Variants in COBLL1 observed in about 807,000 individuals in gnomAD.
COBLL1 encodes the protein cordon-bleu WH2 repeat protein like 1, also known as cordon-bleu protein-like 1.
In COBLL1, 50 loss-of-function variants were observed where a neutral mutation model predicts 94.8. The ratio of observed to expected loss-of-function variants is 0.53; its 90% CI spans 0.42 to 0.67. The LOEUF (loss-of-function observed/expected upper bound fraction) is 0.67, where lower values mean the gene tolerates loss of function less well. COBLL1 is among the 30% of genes least tolerant of loss of function. The pLI is 0.00. For synonymous variants in COBLL1, 448 were observed against 473.8 expected, an observed-to-expected ratio of 0.95 and a Z score of 0.71; for missense variants, 1,362 against 1,348.7, an observed-to-expected ratio of 1.01 and a Z score of -0.15.
At position 164,743,791 on chromosome 2, in the gene COBLL1, G is replaced by A; in HGVS notation, c.126C>T (p.Ser42=). The change falls in exon 3 of 14, where the codon TCC becomes TCT. Residue 42 remains serine, a synonymous_variant. Coordinates refer to ENST00000652658, the MANE Select transcript of COBLL1 (RefSeq NM_001365672.2). ...DVSSAADSVE[S]TAFIMEQKEN... is the part of the protein sequence containing the mutation. ...CTTTCTGTTCCATGATGAAAGCAGTGGATTCTACAGAATCAGCAGCTGAAG... is the reference window on the plus strand; with the variant it reads ...CTTTCTGTTCCATGATGAAAGCAGTAGATTCTACAGAATCAGCAGCTGAAG... The A allele has an allele frequency of 6.2e-7, 1 of 1,613,014 alleles. No individual in the cohort carries two copies. The highest frequency in any genetic ancestry group is 8.5e-7 in the Non-Finnish European group (1 of 1,179,368).
rs1170701819 is a variant in COBLL1, at chr2:164,692,459, A to C, written c.3124-62T>G. ...AAGAAAAGAATGGGCCATTTTTTGCAAAACATTTTCATCATCAATAGTTCT... is the reference window on the plus strand; with the variant it reads ...AAGAAAAGAATGGGCCATTTTTTGCCAAACATTTTCATCATCAATAGTTCT... On this transcript the variant is annotated intron_variant, in intron 12 of 13. Coordinates refer to ENST00000652658, the MANE Select transcript of COBLL1 (RefSeq NM_001365672.2). 3.0e-6 allele frequency: 4 copies of C among 1,348,758 alleles called. No individual in the cohort carries two copies. In the African/African-American group the frequency reaches 5.9e-5, roughly 20 times the overall value. 83.5% of individuals were successfully genotyped at this position (1,348,758 alleles called of 1,614,324 possible). A position where few individuals can be genotyped will look rare whatever the true frequency, so the allele number is the denominator to read the frequency against.
At chr2:164,777,878 T>G (rs916410653) in intron 2 of COBLL1, among the ~76,000 whole-genome samples, 6 of 152,150 alleles carry the variant, frequency 3.9e-5, no homozygotes, top group Admixed American at 2.6e-4. Flanking sequence ...AGTTTTCCAG[T>G]TTTTCAAAAG....
chr2:164,660,088 G>A (rs577162340), intron 2 of COBLL1, among the ~76,000 whole-genome samples: 113 of 152,210 alleles, frequency 7.4e-4, no homozygotes, highest in African/African-American at 2.5e-3. Context: ...AAATATATGC[G>A]TCTGGAGTCC....
At chr2:164,801,560 C>T (rs1683807383) in intron 2 of COBLL1, among the ~76,000 whole-genome samples, 2 of 149,692 alleles carry the variant, frequency 1.3e-5, no homozygotes, top group Admixed American at 6.7e-5. Flanking sequence ...TGAGGTTACA[C>T]TAAGCTATGA....
chr2:164,809,949 C>T (rs1048216504), intron 2 of COBLL1, among the ~76,000 whole-genome samples: 1 of 151,514 alleles, frequency 6.6e-6, no homozygotes, highest in African/African-American at 2.4e-5. Context: ...TAAATAAATG[C>T]CAAAAGAGCT....
chr2:164,669,715 T>C (rs1463476964), intron 1 of COBLL1, among the ~76,000 whole-genome samples: 1 of 152,252 alleles, frequency 6.6e-6, no homozygotes, highest in Non-Finnish European at 1.5e-5. Flanking sequence ...TCTGGTTCAA[T>C]TGATTCCATT....
chr2:164,713,733 AC>A lies in COBLL1; in HGVS notation c.996+8341del, dbSNP rs143024965. 6.8e-3 allele frequency among the ~76,000 whole-genome samples: 1,042 copies of A among 152,222 alleles called. 9 individuals are homozygous for A. The highest frequency in any genetic ancestry group is 0.024 in the African/African-American group (1,003 of 41,536). On this transcript the variant is annotated intron_variant, in intron 7 of 13. Coordinates refer to ENST00000652658, the MANE Select transcript of COBLL1 (RefSeq NM_001365672.2). ...ATGCAATACCTATGCAATTGTGTTA[AC>A]TTTTGTGTTACAGTCAGGAGTTTGG... is the stretch of plus-strand genomic sequence containing the variant.
At chr2:164,744,951 T>C (rs1174158640) in intron 2 of COBLL1, among the ~76,000 whole-genome samples, 2 of 152,180 alleles carry the variant, frequency 1.3e-5, no homozygotes, top group Non-Finnish European at 2.9e-5. Context: ...TAATGACATA[T>C]TTATGGTTTT....
At chr2:164,715,900 T>C (rs765137926) in intron 7 of COBLL1, among the ~76,000 whole-genome samples, 2 of 152,050 alleles carry the variant, frequency 1.3e-5, no homozygotes, top group Non-Finnish European at 2.9e-5. Flanking sequence ...AGGAGAAAAA[T>C]TGATTGCTGT....
At chr2:164,768,017 G>C (rs555530692) in intron 2 of COBLL1, among the ~76,000 whole-genome samples, 1 of 152,232 alleles carries the variant, frequency 6.6e-6, no homozygotes, top group South Asian at 2.1e-4. Context: ...TGAGGGACTG[G>C]AAATCTTATC....
intron 7 of COBLL1, among the ~76,000 whole-genome samples, chr2:164,711,129 C>A (rs962923563): frequency 6.6e-6 from 1 of 152,092 alleles, no homozygotes; most frequent in Non-Finnish European, 1.5e-5. Context: ...TGACCTTCGG[C>A]CTCCTCATTC....
chr2:164,829,492 C>T (rs909654104), intron 2 of COBLL1, among the ~76,000 whole-genome samples: 24 of 152,092 alleles, frequency 1.6e-4, no homozygotes, highest in African/African-American at 5.1e-4. Flanking sequence ...CATGCATCTA[C>T]TTAGCTAACT....
At chr2:164,705,534 T>C (rs889452074) in intron 7 of COBLL1, among the ~76,000 whole-genome samples, 1 of 152,132 alleles carries the variant, frequency 6.6e-6, no homozygotes, top group Admixed American at 6.5e-5. Context: ...AAAATCTATA[T>C]GTCTACCTGA....
At chr2:164,686,205 A>G (rs1558916373) in intron 13 of COBLL1, among the ~76,000 whole-genome samples, 173 bp from the exon 14 acceptor site, 2 of 152,242 alleles carry the variant, frequency 1.3e-5, no homozygotes, top group African/African-American at 4.8e-5. Context: ...AAAATTTAAA[A>G]AGAGAGAGTC....
chr2:164,724,980 T>C (rs2105507198), intron 5 of COBLL1: 1 of 151,712 alleles, frequency 6.6e-6, no homozygotes, highest in Admixed American at 6.6e-5. Context: ...AGATAGCACT[T>C]TATGGTTAAA....
rs1435150589 is a variant in COBLL1, at chr2:164,682,751, G to C, written c.*3195C>G. ...ATTCATATTAATTCATTTTTCAGAAGAGAAAATGAAGCATAGAGAAAGTAA... is the reference window on the plus strand; with the variant it reads ...ATTCATATTAATTCATTTTTCAGAACAGAAAATGAAGCATAGAGAAAGTAA... On this transcript the variant is annotated 3_prime_UTR_variant, in exon 14 of 14. Coordinates refer to ENST00000652658, the MANE Select transcript of COBLL1 (RefSeq NM_001365672.2). 1 of 152,024 alleles carries C rather than the reference G, an allele frequency of 6.6e-6. No individual in the cohort carries two copies. Among genetic ancestry groups the C allele is most frequent in the Non-Finnish European group, 1.5e-5 (1 of 67,994 alleles). 9.4% of individuals were successfully genotyped at this position (152,024 alleles called of 1,614,324 possible).
intron 2 of COBLL1, chr2:164,800,627 A>G (rs184725062): frequency 3.9e-5 from 27 of 693,806 alleles, no homozygotes; most frequent in Admixed American, 3.5e-4. Context: ...TTCTATTCAT[A>G]ATGAACCCAA....
intron 9 of COBLL1, among the ~76,000 whole-genome samples, chr2:164,701,954 G>T (rs1211430468): frequency 6.6e-6 from 1 of 151,934 alleles, no homozygotes; most frequent in Non-Finnish European, 1.5e-5. Context: ...AGCACATTCA[G>T]AAAATTTAAT....
intron 3 of COBLL1, among the ~76,000 whole-genome samples, chr2:164,734,215 A>AT (rs1686174795): frequency 7.3e-6 from 1 of 137,642 alleles, no homozygotes; most frequent in African/African-American, 2.8e-5. Flanking sequence ...ACATGCTCTG[A>AT]CAAAAAAAAA....
Sources: allele counts gnomAD v4.1 joint callset (sites outside exome capture counted in the v4.1 genomes callset), GRCh38; gene constraint gnomAD v4.1.1; transcripts MANE v1.5; gene names NCBI Gene and HGNC (gene_info 2026-07-23, HGNC 2026-07-21).